IP6K3: variants seen among roughly 807,000 people sequenced by gnomAD.
IP6K3 encodes the protein inositol hexakisphosphate kinase 3.
A neutral mutation model predicts 28.8 loss-of-function variants in IP6K3; 20 were observed. That is an observed-to-expected ratio of 0.70 (90% CI 0.49 to 1.01). The LOEUF (loss-of-function observed/expected upper bound fraction) is 1.01, where lower values mean the gene tolerates loss of function less well. IP6K3 is among the 50% of genes least tolerant of loss of function. The pLI is 0.00. For synonymous variants in IP6K3, 213 were observed against 221.3 expected, an observed-to-expected ratio of 0.96 and a Z score of 0.33; for missense variants, 480 against 537.1, an observed-to-expected ratio of 0.89 and a Z score of 1.05.
At chr6:33,743,955 ACCCTTCAGC>A (rs2127366232) in intron 1 of IP6K3, among the ~76,000 whole-genome samples, 1 of 151,698 alleles carries the variant, frequency 6.6e-6, no homozygotes, top group African/African-American at 2.4e-5. Flanking sequence ...TAGTTTAGAA[ACCCTTCAGC>A]CACTGACAAA....
Position 33,744,789 on chromosome 6 carries a change from T to C in IP6K3, c.-180+1969A>G, listed in dbSNP as rs541212565. On this transcript the variant is annotated intron_variant, in intron 1 of 5. Transcript: ENST00000293756. This position sits in a 1 kb window ranked among gnomAD's most constrained non-coding sequence, Gnocchi z 4.4. Reference sequence around the variant, plus strand: ...TTTTTGAAAAGCTCAGAAGCCATCATTGAGGTTGGATTCTCCCCATAACGT... The same window carrying C: ...TTTTTGAAAAGCTCAGAAGCCATCACTGAGGTTGGATTCTCCCCATAACGT... Among the ~76,000 whole-genome samples, 1 of 152,332 alleles carries C rather than the reference T, an allele frequency of 6.6e-6. No homozygotes were observed. The highest frequency in any genetic ancestry group is 2.4e-5 in the African/African-American group (1 of 41,578).
chr6:33,735,420 C>T lies in IP6K3; in HGVS notation c.57G>A (p.Glu19=), dbSNP rs1353746190. 1 of 1,609,660 alleles carries T rather than the reference C, an allele frequency of 6.2e-7. No homozygotes were observed. The highest frequency in any genetic ancestry group is 1.7e-5 in the Admixed American group (1 of 59,586). The change falls in exon 2 of 6, where the codon GAG becomes GAA. Residue 19 remains glutamate, a synonymous_variant. Coordinates refer to ENST00000293756, the MANE Select transcript of IP6K3 (RefSeq NM_054111.5). ...GCCCCCCGACCTGGTGCAGGAAGGG[C>T]TCCAGCTGCACGCCTGCCCTCATGT... The part of the protein sequence containing the change: ...AGDMRAGVQL[E]PFLHQVGGHM...
chr6:33,738,424 G>A (rs571072971), intron 1 of IP6K3, among the ~76,000 whole-genome samples: 12 of 152,344 alleles, frequency 7.9e-5, no homozygotes, highest in African/African-American at 2.6e-4. Flanking sequence ...TAAGGACATG[G>A]ATGTCACCGC....
intron 1 of IP6K3, among the ~76,000 whole-genome samples, chr6:33,738,920 G>A (rs918380397): frequency 3.9e-5 from 6 of 152,192 alleles, no homozygotes; most frequent in South Asian, 4.1e-4. Flanking sequence ...GGCTGGAGAG[G>A]GGAGCACATC....
At chr6:33,740,567 T>G (rs1582223506) in intron 1 of IP6K3, among the ~76,000 whole-genome samples, 1 of 152,008 alleles carries the variant, frequency 6.6e-6, no homozygotes, top group Non-Finnish European at 1.5e-5. Flanking sequence ...GGGCCGTGAG[T>G]GGGTTTGGCT....
intron 2 of IP6K3, among the ~76,000 whole-genome samples, chr6:33,732,203 C>G (rs372542140): frequency 1.3e-5 from 2 of 152,320 alleles, no homozygotes; most frequent in East Asian, 3.9e-4. Flanking sequence ...ATCATGCCTG[C>G]GGAGCCCAGC....
intron 4 of IP6K3, among the ~76,000 whole-genome samples, chr6:33,726,162 AG>A (rs1766102482): frequency 6.6e-6 from 1 of 152,212 alleles, no homozygotes; most frequent in Non-Finnish European, 1.5e-5. Flanking sequence ...GTGGTGATGA[AG>A]GGGTATTTCA....
At chr6:33,753,897 C>T in the IP6K3 span, among the ~76,000 whole-genome samples, 1 of 152,130 alleles carries the variant, frequency 6.6e-6, no homozygotes, top group African/African-American at 2.4e-5. Flanking sequence ...CAAGCTCTGC[C>T]TCCCGGGTTC....
chr6:33,754,469 C>T, the IP6K3 span, among the ~76,000 whole-genome samples: 3 of 152,158 alleles, frequency 2.0e-5, no homozygotes, highest in African/African-American at 7.2e-5. Flanking sequence ...TGAGCAAATG[C>T]GGGCGATCAT....
the IP6K3 span, among the ~76,000 whole-genome samples, chr6:33,756,604 G>C: frequency 6.6e-6 from 1 of 152,198 alleles, no homozygotes; most frequent in Non-Finnish European, 1.5e-5. Flanking sequence ...GCCCTTCTGA[G>C]CATGGAACTT....
chr6:33,723,198 A>G lies in IP6K3; in HGVS notation c.766-11T>C, dbSNP rs756468494. On this transcript the variant is annotated splice_polypyrimidine_tract_variant and intron_variant, in intron 5 of 5. Coordinates refer to ENST00000293756, the MANE Select transcript of IP6K3 (RefSeq NM_054111.5). Reference sequence around the variant, plus strand: ...ATCTGTTTGATAAACCTTACATTAAAAAGAATAAAGAAAATGTGAAGATTG... The same window carrying G: ...ATCTGTTTGATAAACCTTACATTAAGAAGAATAAAGAAAATGTGAAGATTG... The G allele has an allele frequency of 8.0e-6, 12 of 1,507,954 alleles. 1 individual carries two copies. The South Asian group carries it at 1.1e-4, about 14-fold the overall frequency. The allele number at this position is 1,507,954 out of a possible 1,614,324, so 93.4% of individuals were successfully genotyped here.
chr6:33,749,683 C>T (rs1484191574), upstream of IP6K3, among the ~76,000 whole-genome samples: 2 of 151,602 alleles, frequency 1.3e-5, no homozygotes, highest in Non-Finnish European at 2.9e-5. Context: ...GTGAGGGGAG[C>T]CACCATGCCC....
chr6:33,757,939 G>GA, the IP6K3 span, among the ~76,000 whole-genome samples: 452 of 152,328 alleles, frequency 3.0e-3, 4 homozygotes, highest in African/African-American at 0.01. Flanking sequence ...AGGCAGGGGG[G>GA]ATCAGCTGAA....
At chr6:33,759,442 C>T in the IP6K3 span, among the ~76,000 whole-genome samples, 18 of 152,292 alleles carry the variant, frequency 1.2e-4, no homozygotes, top group East Asian at 1.7e-3. Context: ...CCATGTTGAC[C>T]TGGTCTCAAA....
chr6:33,741,865 C>T lies in IP6K3; in HGVS notation c.-180+4893G>A, dbSNP rs568170104. On this transcript the variant is annotated intron_variant, in intron 1 of 5. Transcript: ENST00000293756. ...ACTCGGGAGGCTGAGGCAGGAGAAT[C>T]GCTTGAACCTGGGAGGCGGAGGTTG... is the stretch of plus-strand genomic sequence containing the variant. Among the ~76,000 whole-genome samples, 614 of 149,348 alleles carry T rather than the reference C, an allele frequency of 4.1e-3. 6 individuals are homozygous for T. Among genetic ancestry groups the T allele is most frequent in the African/African-American group, 0.013 (537 of 40,538 alleles).
intron 1 of IP6K3, among the ~76,000 whole-genome samples, chr6:33,740,985 T>A (rs1308839084): frequency 2.0e-5 from 3 of 152,220 alleles, no homozygotes; most frequent in African/African-American, 7.2e-5. Flanking sequence ...CATTCTGTTT[T>A]TCCCTGTGAG....
the IP6K3 span, among the ~76,000 whole-genome samples, chr6:33,757,571 A>G: frequency 7.2e-5 from 11 of 152,178 alleles, no homozygotes; most frequent in African/African-American, 2.4e-4. Context: ...TCATTTGTTC[A>G]TTTATCCATC....
At position 33,728,117 on chromosome 6, in the gene IP6K3, T is replaced by G; in HGVS notation, c.383A>C (p.His128Pro). ...CTTGGGTGAGCGTGCCAGCTGGGCATGCGGCCACTGGGCAAGGGTGCAGTC... is the reference window on the plus strand; with the variant it reads ...CTTGGGTGAGCGTGCCAGCTGGGCAGGCGGCCACTGGGCAAGGGTGCAGTC... Reference protein sequence around the residue: ...GSDCTLAQWPHAQLARSPKES... With the variant: ...GSDCTLAQWPPAQLARSPKES... The change falls in exon 3 of 6, where the codon CAT becomes CCT. Residue 128 changes from histidine to proline, a missense_variant. Coordinates refer to ENST00000293756, the MANE Select transcript of IP6K3 (RefSeq NM_054111.5). 1 of 1,607,318 alleles carries G rather than the reference T, an allele frequency of 6.2e-7. No individual in the cohort carries two copies. Among genetic ancestry groups the G allele is most frequent in the Non-Finnish European group, 8.5e-7 (1 of 1,179,902 alleles).
intron 5 of IP6K3, among the ~76,000 whole-genome samples, chr6:33,723,597 A>C (rs1172427334): frequency 6.6e-6 from 1 of 152,372 alleles, no homozygotes; most frequent in East Asian, 1.9e-4. Context: ...ATCACAGCCA[A>C]TGGCCTTGGA....
Sources: gnomAD v4.1 joint callset for allele counts (sites outside exome capture counted in the v4.1 genomes callset) on GRCh38, gnomAD v4.1.1 for gene constraint, Gnocchi (gnomAD v3.1) non-coding constraint, MANE v1.5 for transcripts, NCBI Gene and HGNC (gene_info 2026-07-23, HGNC 2026-07-21) for gene names.